The following ABCC5 variants were observed in gnomAD, a reference collection of about 807,000 sequenced individuals.
The protein encoded by ABCC5 is ATP binding cassette subfamily C member 5.
Under a neutral mutation model 160.9 loss-of-function variants are expected in ABCC5, and 61 were observed. That is an observed-to-expected ratio of 0.38 (90% CI 0.31 to 0.47). ABCC5 has a LOEUF of 0.47. Among genes scored for constraint, ABCC5 ranks in the 20% least tolerant of loss-of-function variants. The pLI is 0.99. For synonymous variants in ABCC5, 666 were observed against 700.6 expected, an observed-to-expected ratio of 0.95 and a Z score of 0.78; for missense variants, 1,308 against 1,813.3, an observed-to-expected ratio of 0.72 and a Z score of 5.06.
At chr3:183,956,799 T>C (rs56013916) in intron 17 of ABCC5, among the ~76,000 whole-genome samples, 655 of 53,178 alleles carry the variant, frequency 0.012, 194 homozygotes, top group African/African-American at 0.086. Context: ...TCCGTGTGTA[T>C]ATCACATCTG....
chr3:183,988,487 G>T lies in ABCC5; in HGVS notation c.443+85C>A, dbSNP rs1164866679. On this transcript the variant is annotated intron_variant, in intron 4 of 29. Coordinates refer to ENST00000334444, the MANE Select transcript of ABCC5 (RefSeq NM_005688.4). The surrounding 1 kb of genome is among the most constrained non-coding windows in gnomAD (Gnocchi z 4.4). ...CCACTGGACAGCTCGGCTCTTTAAAGACACAGAGCTGTGGACTTCACACTC... is the reference window on the plus strand; with the variant it reads ...CCACTGGACAGCTCGGCTCTTTAAATACACAGAGCTGTGGACTTCACACTC... The T allele has an allele frequency of 6.7e-7, 1 of 1,499,060 alleles. No individual in the cohort carries two copies. The highest frequency in any genetic ancestry group is 2.3e-5 in the East Asian group (1 of 43,908). 92.9% of individuals were successfully genotyped at this position (1,499,060 alleles called of 1,614,324 possible). A position where few individuals can be genotyped will look rare whatever the true frequency, so the allele number is the denominator to read the frequency against.
intron 16 of ABCC5, among the ~76,000 whole-genome samples, chr3:183,961,184 G>A (rs575734889): frequency 2.6e-5 from 4 of 152,292 alleles, no homozygotes; most frequent in Non-Finnish European, 4.4e-5. Context: ...CTTCAATCAG[G>A]TGGATGGAGC....
intron 2 of ABCC5, among the ~76,000 whole-genome samples, chr3:184,004,063 T>G (rs1277138289): frequency 6.6e-6 from 1 of 152,194 alleles, no homozygotes; most frequent in Admixed American, 6.5e-5. Flanking sequence ...TTAATTGGTC[T>G]GGAATAGGAC....
Position 183,921,436 on chromosome 3 carries a change from C to T in ABCC5, c.4213-35G>A. On this transcript the variant is annotated intron_variant, in intron 29 of 29. Transcript: ENST00000334444. The surrounding 1 kb of genome is among the most constrained non-coding windows in gnomAD (Gnocchi z 4.1). The stretch of plus-strand genomic sequence containing the variant: ...AAGGAGACGCCGTCAGGACACAGCT[C>T]TGGGTCATGCAGGGTGATTCAGAGG... 6.3e-7 allele frequency: 1 copy of T among 1,599,716 alleles called. No individual in the cohort carries two copies. Among genetic ancestry groups the T allele is most frequent in the Non-Finnish European group, 8.5e-7 (1 of 1,173,070 alleles).
chr3:183,948,002 A>G (rs1715007150), intron 22 of ABCC5, among the ~76,000 whole-genome samples: 1 of 152,348 alleles, frequency 6.6e-6, no homozygotes, highest in South Asian at 2.1e-4. Context: ...CTTGTTCCCC[A>G]GCTATGGAGC....
chr3:183,993,201 C>A (rs905860706), intron 2 of ABCC5, among the ~76,000 whole-genome samples: 1 of 151,980 alleles, frequency 6.6e-6, no homozygotes, highest in Non-Finnish European at 1.5e-5. Context: ...AAGGTACTGC[C>A]GGGCTGGGCG....
Position 183,973,295 on chromosome 3 carries a change from C to T in ABCC5, c.1405-1376G>A, listed in dbSNP as rs1052050424. ...GTCTAGATCTCCTGACCTCGTGATC[C>T]ACCCGCCTCAGCCTCCCAAAGTGCT... is the stretch of plus-strand genomic sequence containing the variant. On this transcript the variant is annotated intron_variant, in intron 10 of 29. Coordinates refer to ENST00000334444, the MANE Select transcript of ABCC5 (RefSeq NM_005688.4). Among the ~76,000 whole-genome samples the T allele has an allele frequency of 2.6e-4, 38 of 146,854 alleles. 1 individual carries two copies. Among genetic ancestry groups the T allele is most frequent in the Non-Finnish European group, 4.8e-4 (32 of 66,086 alleles).
intron 5 of ABCC5, chr3:183,985,745 T>C: frequency 3.1e-6 from 1 of 323,402 alleles, no homozygotes; most frequent in South Asian, 2.8e-5. Context: ...GGTACTCCAT[T>C]AACATTACTA....
At chr3:183,957,272 G>T (rs190399981) in intron 17 of ABCC5, among the ~76,000 whole-genome samples, 2 of 108,118 alleles carry the variant, frequency 1.8e-5, no homozygotes, top group African/African-American at 3.3e-5. Context: ...ATGCGGATCC[G>T]TGTGTATATG....
At chr3:184,016,164 C>G (rs1722175791) in intron 1 of ABCC5, among the ~76,000 whole-genome samples, 1 of 152,172 alleles carries the variant, frequency 6.6e-6, no homozygotes, top group Non-Finnish European at 1.5e-5. Flanking sequence ...GAGGCAGGGA[C>G]AAAACGACTT....
chr3:183,939,011 A>C (rs922325824), intron 25 of ABCC5, among the ~76,000 whole-genome samples: 6 of 152,264 alleles, frequency 3.9e-5, no homozygotes, highest in African/African-American at 1.4e-4. Flanking sequence ...AGTTTACATA[A>C]GTAATACGAG....
At chr3:183,927,596 A>T (rs1712712446) in intron 27 of ABCC5, 153 bp from the exon 28 acceptor site, 1 of 985,346 alleles carries the variant, frequency 1.0e-6, no homozygotes. Flanking sequence ...TGTACTGATC[A>T]TGCGTGCTAG....
At chr3:184,005,159 C>G (rs576172746) in intron 2 of ABCC5, among the ~76,000 whole-genome samples, 2 of 152,264 alleles carry the variant, frequency 1.3e-5, no homozygotes, top group African/African-American at 4.8e-5. Context: ...CCAGCCCCAG[C>G]ATAGTCTGCC....
At chr3:184,013,989 C>G (rs1369835333) in intron 2 of ABCC5, among the ~76,000 whole-genome samples, 1 of 152,204 alleles carries the variant, frequency 6.6e-6, no homozygotes, top group African/African-American at 2.4e-5. Flanking sequence ...TCTCGTGCCT[C>G]AGCCTCGCAA....
Position 183,960,396 on chromosome 3 carries a change from C to T in ABCC5, c.2380-561G>A, listed in dbSNP as rs115899449. Among the ~76,000 whole-genome samples the T allele has an allele frequency of 2.5e-3, 380 of 152,346 alleles. 4 individuals are homozygous for T. The highest frequency in any genetic ancestry group is 8.3e-3 in the African/African-American group (347 of 41,592). ...ACTTTGGTCCACACTCGTTCCTCCA[C>T]TTGGAATGCCCCTCCCCTTGTCCCA... On this transcript the variant is annotated intron_variant, in intron 16 of 29. Transcript: ENST00000334444.
At chr3:183,986,477 AG>A (rs1160593680) in intron 5 of ABCC5, 1 of 152,200 alleles carries the variant, frequency 6.6e-6, no homozygotes, top group African/African-American at 2.4e-5. Context: ...TGTTCAGGGG[AG>A]GGACTGTGAA....
intron 2 of ABCC5, among the ~76,000 whole-genome samples, chr3:184,002,710 C>T (rs1250140887): frequency 6.6e-6 from 1 of 152,202 alleles, no homozygotes. Flanking sequence ...AAGGGCTTTT[C>T]CCCTGCACGG....
At chr3:184,012,153 C>G (rs1455359186) in intron 2 of ABCC5, among the ~76,000 whole-genome samples, 1 of 152,012 alleles carries the variant, frequency 6.6e-6, no homozygotes, top group African/African-American at 2.4e-5. Context: ...GATGTTACCA[C>G]TGGGGGAAAC....
At chr3:183,927,100 C>T (rs545691008) in intron 28 of ABCC5, among the ~76,000 whole-genome samples, 2 of 152,184 alleles carry the variant, frequency 1.3e-5, no homozygotes, top group South Asian at 4.1e-4. Context: ...TACTCAATGG[C>T]CAGAAACAAA....
Sources: gnomAD v4.1 joint callset for allele counts (sites outside exome capture counted in the v4.1 genomes callset) on GRCh38, gnomAD v4.1.1 for gene constraint, Gnocchi (gnomAD v3.1) non-coding constraint, MANE v1.5 for transcripts, NCBI Gene and HGNC (gene_info 2026-07-23, HGNC 2026-07-21) for gene names.